The following CPNE2 variants were observed in gnomAD, a reference collection of about 807,000 sequenced individuals.
The protein encoded by CPNE2 is copine-2.
In CPNE2, 42 loss-of-function variants were observed where a neutral mutation model predicts 69.7. The observed-to-expected ratio is 0.60, with a 90% CI of 0.47 to 0.78. CPNE2 has a LOEUF of 0.78. CPNE2 is among the 30% of genes least tolerant of loss of function. The probability of loss-of-function intolerance (pLI) is 0.00; values close to 1 mark genes in which losing one functional copy is unlikely to be tolerated. For missense variants in CPNE2, 587 were observed against 732.0 expected, an observed-to-expected ratio of 0.80 and a Z score of 2.29; for synonymous variants, 294 against 289.8, an observed-to-expected ratio of 1.01 and a Z score of -0.15.
intron 4 of CPNE2, 52 bp downstream of exon 4, chr16:57,115,602 C>T (rs747946748): frequency 7.4e-7 from 1 of 1,347,418 alleles, no homozygotes; most frequent in Admixed American, 2.0e-5. Flanking sequence ...ACCCCACACC[C>T]TCCCCCATCA....
intron 14 of CPNE2, among the ~76,000 whole-genome samples, chr16:57,140,489 A>G: frequency 6.6e-6 from 1 of 150,380 alleles, no homozygotes; most frequent in East Asian, 2.0e-4. Flanking sequence ...CTCTTATGAA[A>G]TGGGCGTAGT....
chr16:57,094,763 C>T (rs145941109), intron 1 of CPNE2, among the ~76,000 whole-genome samples: 266 of 152,292 alleles, frequency 1.7e-3, no homozygotes, highest in Middle Eastern at 6.8e-3. Flanking sequence ...GCTCCTCCCC[C>T]TCCCGTCAGG....
chr16:57,134,361 A>C (rs1308569714), intron 12 of CPNE2, among the ~76,000 whole-genome samples: 2 of 152,186 alleles, frequency 1.3e-5, no homozygotes, highest in Non-Finnish European at 2.9e-5. Flanking sequence ...TAAGGTAGGA[A>C]AAGCCTCTGA....
intron 15 of CPNE2, chr16:57,147,221 C>T: frequency 4.3e-6 from 1 of 232,528 alleles, no homozygotes; most frequent in Non-Finnish European, 8.3e-6. Context: ...CCATTTATTC[C>T]CGCCAAGAAG....
intron 5 of CPNE2, 57 bp downstream of exon 5, chr16:57,117,624 G>GT: frequency 6.3e-7 from 1 of 1,588,002 alleles, no homozygotes; most frequent in Non-Finnish European, 8.6e-7. Flanking sequence ...CCAGCCCCAG[G>GT]GCTGTGTGGC....
Position 57,123,452 on chromosome 16 carries a change from A to T in CPNE2, c.906A>T (p.Gly302=), listed in dbSNP as rs182357941. The T allele has an allele frequency of 6.9e-5, 111 of 1,613,252 alleles. No homozygotes were observed. In the East Asian group the frequency reaches 2.4e-3, roughly 35 times the overall value. Residue 302 remains glycine (G), a synonymous_variant, in exon 10 of 16, where the codon GGA becomes GGT. Transcript: ENST00000290776. ...ACTCCTTCCTTGACTACATCCTGGG[A>T]GGCTGCCAGCTCATGTTCACCGTAA... ...RDYSFLDYIL[G]GCQLMFTVGI...
intron 6 of CPNE2, 42 bp downstream of exon 6, chr16:57,119,320 G>A (rs2069743783): frequency 6.3e-7 from 1 of 1,584,130 alleles, no homozygotes; most frequent in Non-Finnish European, 8.7e-7. Context: ...CAGTGGGCCT[G>A]CAGTCCAGCC....
chr16:57,105,618 C>A (rs2069643429), intron 1 of CPNE2, among the ~76,000 whole-genome samples: 1 of 152,272 alleles, frequency 6.6e-6, no homozygotes, highest in Middle Eastern at 3.4e-3. Context: ...TTATTAACTG[C>A]ATAGCCCCGG....
chr16:57,111,762 G>GC (rs1268836253), intron 2 of CPNE2, among the ~76,000 whole-genome samples: 1 of 152,174 alleles, frequency 6.6e-6, no homozygotes, highest in Non-Finnish European at 1.5e-5. Context: ...TATTAATGGT[G>GC]CCCCAGGCAA....
intron 1 of CPNE2, among the ~76,000 whole-genome samples, chr16:57,096,698 CAAAAAA>C (rs34322802): frequency 1.8e-5 from 1 of 56,998 alleles, no homozygotes; most frequent in Non-Finnish European, 3.9e-5. Context: ...GACCATGTCT[CAAAAAA>C]AAAAAAAAAA....
At chr16:57,142,522 T>G (rs2069930069) in intron 14 of CPNE2, 1 of 152,344 alleles carries the variant, frequency 6.6e-6, no homozygotes, top group Admixed American at 6.5e-5. Flanking sequence ...TTGAGGAACC[T>G]GGGTTTTCTC....
At chr16:57,103,655 C>T (rs1310203806) in intron 1 of CPNE2, among the ~76,000 whole-genome samples, 1 of 152,212 alleles carries the variant, frequency 6.6e-6, no homozygotes, top group East Asian at 1.9e-4. Flanking sequence ...TTCCCTGTGC[C>T]TGCCTCTCTC....
intron 1 of CPNE2, among the ~76,000 whole-genome samples, chr16:57,103,274 A>G (rs565040819): frequency 2.8e-4 from 43 of 151,806 alleles, no homozygotes; most frequent in Non-Finnish European, 5.4e-4. Flanking sequence ...GTACCACCAC[A>G]CCTGGCTAAT....
At chr16:57,111,350 A>G (rs2069680908) in intron 2 of CPNE2, among the ~76,000 whole-genome samples, 1 of 151,824 alleles carries the variant, frequency 6.6e-6, no homozygotes, top group Non-Finnish European at 1.5e-5. Context: ...TAATTTTTGT[A>G]TTTTTAGTAG....
At chr16:57,108,931 G>A (rs577280115) in intron 1 of CPNE2, among the ~76,000 whole-genome samples, 16 of 152,324 alleles carry the variant, frequency 1.1e-4, no homozygotes, top group Admixed American at 6.5e-4. Flanking sequence ...TGGAGGGTTT[G>A]TCCATTCATT....
rs549554982 is a variant in CPNE2 at position 57,147,785 on chromosome 16, A to G, written c.*127A>G. On this transcript the variant is annotated 3_prime_UTR_variant, in exon 16 of 16. Transcript: ENST00000290776. ...CCCCTTTTTTATTTTTTACAACCGG[A>G]CCTCCACCCCCAACTTCCTCCAGCC... 5.6e-6 allele frequency: 3 copies of G among 533,760 alleles called. No individual in the cohort carries two copies. The South Asian group carries it at 1.4e-4, about 25-fold the overall frequency. 33.1% of individuals were successfully genotyped at this position (533,760 alleles called of 1,614,324 possible).
At chr16:57,103,684 C>T (rs1388991270) in intron 1 of CPNE2, among the ~76,000 whole-genome samples, 2 of 152,224 alleles carry the variant, frequency 1.3e-5, no homozygotes, top group African/African-American at 2.4e-5. Flanking sequence ...CTCCTCTCCG[C>T]CCATTTCTAA....
At chr16:57,094,128 A>G in intron 1 of CPNE2, 1 of 456,068 alleles carries the variant, frequency 2.2e-6, no homozygotes, top group Non-Finnish European at 4.4e-6. Flanking sequence ...CTGGATTGGA[A>G]GGGGTCACCC....
intron 8 of CPNE2, 146 bp from the exon 9 acceptor site, chr16:57,121,528 T>G: frequency 1.3e-6 from 1 of 771,022 alleles, no homozygotes; most frequent in East Asian, 2.4e-5. Flanking sequence ...TGCTACCATT[T>G]TTGGGTGTGG....
Sources: gnomAD v4.1 joint callset for allele counts (sites outside exome capture counted in the v4.1 genomes callset) on GRCh38, gnomAD v4.1.1 for gene constraint, MANE v1.5 for transcripts, NCBI Gene and HGNC (gene_info 2026-07-23, HGNC 2026-07-21) for gene names.